Variants in SGF29 observed in about 807,000 individuals in gnomAD.
SGF29 encodes the protein SAGA complex associated factor 29.
A neutral mutation model predicts 38.1 loss-of-function variants in SGF29; 15 were observed. The observed-to-expected ratio is 0.39, with a 90% CI of 0.26 to 0.61. SGF29 has a LOEUF of 0.61. SGF29 is among the 20% of genes least tolerant of loss of function. SGF29 has a pLI of 0.49. For synonymous variants in SGF29, 151 were observed against 160.8 expected (o/e 0.94, Z 0.46); for missense variants, 184 against 394.6 (o/e 0.47, Z 4.52).
At chr16:28,581,815 A>G (rs1337312464) in intron 2 of SGF29, among the ~76,000 whole-genome samples, 2 of 151,022 alleles carry the variant, frequency 1.3e-5, no homozygotes, top group African/African-American at 4.9e-5. Flanking sequence ...GCTACTGGGG[A>G]GGCTGAGGCA....
intron 1 of SGF29, among the ~76,000 whole-genome samples, chr16:28,558,272 A>ATT (rs1186161802): frequency 2.2e-5 from 3 of 135,686 alleles, no homozygotes; most frequent in South Asian, 2.4e-4. Flanking sequence ...TGCCCAGCTA[A>ATT]TTTTTTTTTT....
At chr16:28,561,562 G>T (rs1165895639) in intron 1 of SGF29, among the ~76,000 whole-genome samples, 1 of 151,968 alleles carries the variant, frequency 6.6e-6, no homozygotes, top group Non-Finnish European at 1.5e-5. Context: ...AACACAAAAG[G>T]TGCAGGGGAA....
chr16:28,577,423 G>A (rs1750373052), intron 1 of SGF29, among the ~76,000 whole-genome samples: 1 of 151,404 alleles, frequency 6.6e-6, no homozygotes, highest in African/African-American at 2.4e-5. Flanking sequence ...TCCCCACCCA[G>A]CTTTCTATGG....
In SGF29 at chr16:28,591,710, C is replaced by G. The variant is rs201041404; in HGVS notation, c.*4C>G. On this transcript the variant is annotated 3_prime_UTR_variant, in exon 10 of 10. Transcript: ENST00000317058. ...TAAGGAACCCAAGAAAAAGTGATGC[C>G]GCCTGGCAGACTCGCCATCCCCCAA... is the stretch of plus-strand genomic sequence containing the variant. 1 of 1,601,324 alleles carries G rather than the reference C, an allele frequency of 6.2e-7. No individual in the cohort carries two copies. Among genetic ancestry groups the G allele is most frequent in the Non-Finnish European group, 8.6e-7 (1 of 1,168,452 alleles).
chr16:28,567,712 G>C (rs774687477), intron 1 of SGF29, among the ~76,000 whole-genome samples: 6 of 152,270 alleles, frequency 3.9e-5, no homozygotes, highest in Non-Finnish European at 7.4e-5. Context: ...ACAGAATGTT[G>C]GTGGAAATAT....
At chr16:28,583,155 C>A (rs1237455366) in intron 2 of SGF29, among the ~76,000 whole-genome samples, 1 of 152,238 alleles carries the variant, frequency 6.6e-6, no homozygotes, top group Non-Finnish European at 1.5e-5. Context: ...TGTAACTGAC[C>A]TAAGAGATGG....
intron 3 of SGF29, 52 bp from the exon 4 acceptor site, chr16:28,585,596 G>T (rs189750003): frequency 2.0e-6 from 3 of 1,477,710 alleles, no homozygotes; most frequent in Admixed American, 3.3e-5. Flanking sequence ...GCAGTGCCAT[G>T]CTACTGTGCC....
intron 4 of SGF29, among the ~76,000 whole-genome samples, chr16:28,587,569 C>T (rs1044566824): frequency 3.3e-5 from 5 of 152,220 alleles, no homozygotes; most frequent in East Asian, 1.9e-4. Flanking sequence ...CCTCCATCTT[C>T]TGGCCCTGGC....
At position 28,590,243 on chromosome 16, in the gene SGF29, G is replaced by C; in HGVS notation, c.419+18G>C. The C allele has an allele frequency of 6.2e-7, 1 of 1,610,010 alleles. No individual in the cohort carries two copies. The highest frequency in any genetic ancestry group is 1.1e-5 in the South Asian group (1 of 90,234). On this transcript the variant is annotated intron_variant, in intron 6 of 9. Transcript: ENST00000317058. The surrounding 1 kb of genome is among the most constrained non-coding windows in gnomAD (Gnocchi z 8.2). ...GGTGACAAGTGAGGGCAGCAGCTGCGAGGGAGGGGCTGGTGCCCAGGGGCT... is the reference window on the plus strand; with the variant it reads ...GGTGACAAGTGAGGGCAGCAGCTGCCAGGGAGGGGCTGGTGCCCAGGGGCT...
intron 1 of SGF29, among the ~76,000 whole-genome samples, chr16:28,556,662 T>C (rs2046754243): frequency 6.6e-6 from 1 of 151,844 alleles, no homozygotes; most frequent in Non-Finnish European, 1.5e-5. Context: ...ATGTTTTTTT[T>C]AGAAACAAGG....
chr16:28,568,325 A>AG (rs1285492748), intron 1 of SGF29, among the ~76,000 whole-genome samples: 1 of 151,652 alleles, frequency 6.6e-6, no homozygotes, highest in Non-Finnish European at 1.5e-5. Flanking sequence ...AAAAAAAAAA[A>AG]AAAAAAAAAA....
chr16:28,558,324 C>T (rs558319209), intron 1 of SGF29, among the ~76,000 whole-genome samples: 74 of 151,656 alleles, frequency 4.9e-4, no homozygotes, highest in Admixed American at 4.1e-3. Flanking sequence ...CCATGTTGGC[C>T]AGGCTGGTCT....
chr16:28,564,759 ATATGTATATATATG>A (rs1244180384), intron 1 of SGF29, among the ~76,000 whole-genome samples: 811 of 67,148 alleles, frequency 0.012, 18 homozygotes, highest in Non-Finnish European at 0.018. Context: ...ATATATGTAT[ATATGTATATATATG>A]TATATATATA....
chr16:28,576,783 AT>A (rs1221895389), intron 1 of SGF29, among the ~76,000 whole-genome samples: 1 of 152,206 alleles, frequency 6.6e-6, no homozygotes, highest in Admixed American at 6.5e-5. Context: ...AGCCAAAAAA[AT>A]AGACGTAACC....
intron 1 of SGF29, among the ~76,000 whole-genome samples, chr16:28,580,757 A>C (rs1346440722): frequency 6.6e-6 from 1 of 152,210 alleles, no homozygotes; most frequent in Non-Finnish European, 1.5e-5. Context: ...ATCGTAGCTC[A>C]TGCAGCCTCA....
At position 28,555,556 on chromosome 16, in the gene SGF29, C is replaced by G. The variant is rs575274614; in HGVS notation, c.-16+1459C>G. ...AAAACCTGCATTGTTTGAGGGTCAACTGTATAGCTATTTTAAAAGAGATTT... is the reference window on the plus strand; with the variant it reads ...AAAACCTGCATTGTTTGAGGGTCAAGTGTATAGCTATTTTAAAAGAGATTT... On this transcript the variant is annotated intron_variant, in intron 1 of 9. Coordinates refer to ENST00000317058, the MANE Select transcript of SGF29 (RefSeq NM_138414.3). 1.6e-4 allele frequency among the ~76,000 whole-genome samples: 24 copies of G among 152,292 alleles called. No individual in the cohort carries two copies. In the South Asian group the frequency reaches 3.7e-3, roughly 24 times the overall value.
At chr16:28,588,519 G>GT in intron 4 of SGF29, 2 of 377,022 alleles carry the variant, frequency 5.3e-6, no homozygotes, top group South Asian at 3.9e-5. Flanking sequence ...CTACCACCTT[G>GT]TTTTTTATGT....
intron 1 of SGF29, among the ~76,000 whole-genome samples, chr16:28,568,909 C>A (rs1352012367): frequency 7.0e-6 from 1 of 142,118 alleles, no homozygotes; most frequent in Non-Finnish European, 1.5e-5. Context: ...AAGACTCCAT[C>A]TCAAAAAAAG....
intron 1 of SGF29, among the ~76,000 whole-genome samples, chr16:28,568,573 G>C (rs2046846973): frequency 7.0e-6 from 1 of 142,302 alleles, no homozygotes; most frequent in Non-Finnish European, 1.6e-5. Context: ...TTGCTTCTCT[G>C]GGCTTGATAA....
Sources: gnomAD v4.1 joint callset for allele counts (sites outside exome capture counted in the v4.1 genomes callset) on GRCh38, gnomAD v4.1.1 for gene constraint, Gnocchi (gnomAD v3.1) non-coding constraint, MANE v1.5 for transcripts, NCBI Gene and HGNC (gene_info 2026-07-23, HGNC 2026-07-21) for gene names.